The following ZBTB25 variants were observed in gnomAD, a reference collection of about 807,000 sequenced individuals.
ZBTB25 encodes zinc finger and BTB domain containing 25.
In ZBTB25, 20 loss-of-function variants were observed where a neutral mutation model predicts 34.2. The observed-to-expected ratio is 0.58, with a 90% CI of 0.41 to 0.85. ZBTB25 has a LOEUF of 0.85. ZBTB25 is among the 40% of genes least tolerant of loss of function. The pLI is 0.00. For synonymous variants in ZBTB25, 175 were observed against 186.4 expected, an observed-to-expected ratio of 0.94 and a Z score of 0.50; for missense variants, 437 against 521.8, an observed-to-expected ratio of 0.84 and a Z score of 1.58.
intron 2 of ZBTB25, chr14:64,454,899 A>G (rs1376870026): frequency 6.2e-7 from 1 of 1,612,992 alleles, no homozygotes; most frequent in Non-Finnish European, 8.5e-7. Flanking sequence ...GCAAGGGAGT[A>G]GTGGGCGCAT....
upstream of ZBTB25, chr14:64,504,818 CCCGAGCG>C (rs938588076): frequency 1.0e-3 from 397 of 389,986 alleles, 5 homozygotes; most frequent in East Asian, 0.014. Context: ...CGCAGCCCAG[CCCGAGCG>C]CCGAGCGCCG....
chr14:64,490,208 CAAAAAAAAAAAAA>C (rs61367816), intron 2 of ZBTB25, among the ~76,000 whole-genome samples, 140 bp downstream of exon 2: 6 of 90,932 alleles, frequency 6.6e-5, no homozygotes, highest in African/African-American at 1.9e-4. Context: ...ACTCTGTCGC[CAAAAAAAAAAAAA>C]AAAAAAAAAA....
In ZBTB25 at chr14:64,478,287, A is replaced by G. The variant is rs545222559; in HGVS notation, c.*8636T>C. 6.6e-6 allele frequency: 1 copy of G among 152,332 alleles called. No individual in the cohort carries two copies. Among genetic ancestry groups the G allele is most frequent in the South Asian group, 2.1e-4 (1 of 4,820 alleles). 9.4% of individuals were successfully genotyped at this position (152,332 alleles called of 1,614,324 possible). A position where few individuals can be genotyped will look rare whatever the true frequency, so the allele number is the denominator to read the frequency against. ...AGGGGGAGGCAGGCTGTATTCACTT[A>G]GTATTGGAAGGTGAGAAGAGCTGAA... On this transcript the variant is annotated 3_prime_UTR_variant, in exon 3 of 3. Transcript: ENST00000608382.
chr14:64,458,643 T>A (rs79790885), intron 2 of ZBTB25: 925 of 383,042 alleles, frequency 2.4e-3, no homozygotes, highest in Non-Finnish European at 3.7e-3. Context: ...GGGTTCAGAG[T>A]TGATGACACA....
At position 64,487,290 on chromosome 14, in the gene ZBTB25, C is replaced by T. The variant is rs775261229; in HGVS notation, c.941G>A (p.Arg314Gln). The change falls in exon 3 of 3, where the codon CGG becomes CAG. Residue 314 changes from arginine (R) to glutamine (Q), a missense_variant. Physicochemically the swap from Arg to Gln is conservative, Grantham distance 43. Coordinates refer to ENST00000608382, the MANE Select transcript of ZBTB25 (RefSeq NM_006977.5). ...ENEQQPDHTN[R>Q]GTTEPLQISQ... ...GATCTGCAAAGGCTCTGTGGTACCC[C>T]GGTTGGTGTGGTCTGGCTGCTGTTC... 3 of 1,613,838 alleles carry T rather than the reference C, an allele frequency of 1.9e-6. No homozygotes were observed. The highest frequency in any genetic ancestry group is 2.5e-6 in the Non-Finnish European group (3 of 1,180,008).
At chr14:64,489,570 C>T (rs2079001711) in intron 2 of ZBTB25, among the ~76,000 whole-genome samples, 1 of 150,124 alleles carries the variant, frequency 6.7e-6, no homozygotes. Context: ...GAGTCTCGCT[C>T]TGTCACCCAG....
rs942287224 is a variant in ZBTB25 at position 64,479,415 on chromosome 14, G to A, written c.*7508C>T. On this transcript the variant is annotated 3_prime_UTR_variant, in exon 3 of 3. Transcript: ENST00000608382. ...CTCCACATCGTCAAATGTCTCTATG[G>A]GGGGGGATAGCCCTGTGTAATGTTT... is the stretch of plus-strand genomic sequence containing the variant. 9 of 149,770 alleles carry A rather than the reference G, an allele frequency of 6.0e-5. No homozygotes were observed. Among genetic ancestry groups the A allele is most frequent in the Middle Eastern group, 3.4e-3 (1 of 294 alleles). The allele number at this position is 149,770 out of a possible 1,614,324, so 9.3% of individuals were successfully genotyped here.
downstream of ZBTB25, among the ~76,000 whole-genome samples, chr14:64,476,517 T>C (rs1250042488): frequency 6.6e-6 from 1 of 152,152 alleles, no homozygotes; most frequent in African/African-American, 2.4e-5. Flanking sequence ...AAGACGGGGT[T>C]TCACCATGTT....
At chr14:64,449,397 T>A in exon 3 of ZBTB25, 1 of 1,598,712 alleles carries the variant, frequency 6.3e-7, no homozygotes, top group South Asian at 1.1e-5. Flanking sequence ...GACAATTCTG[T>A]CTCTCCAGCC....
chr14:64,503,365 G>A (rs1356468513), intron 1 of ZBTB25: 1 of 984,574 alleles, frequency 1.0e-6, no homozygotes, highest in South Asian at 4.7e-5. Context: ...CGGACCCGCG[G>A]CCGGGACGGC....
Position 64,482,574 on chromosome 14 carries a change from T to C in ZBTB25, c.*4349A>G, listed in dbSNP as rs1164523131. 6.6e-6 allele frequency: 1 copy of C among 152,228 alleles called. No individual in the cohort carries two copies. Among genetic ancestry groups the C allele is most frequent in the Non-Finnish European group, 1.5e-5 (1 of 68,040 alleles). 9.4% of individuals were successfully genotyped at this position (152,228 alleles called of 1,614,324 possible). A position where few individuals can be genotyped will look rare whatever the true frequency, so the allele number is the denominator to read the frequency against. ...GAAATTGACAAAGTTTTATTCCCAA[T>C]AATGCCAAAGAACTAGTATCCTCCT... is the stretch of plus-strand genomic sequence containing the variant. On this transcript the variant is annotated 3_prime_UTR_variant, in exon 3 of 3. Coordinates refer to ENST00000608382, the MANE Select transcript of ZBTB25 (RefSeq NM_006977.5).
chr14:64,478,635 G>C lies in ZBTB25; in HGVS notation c.*8288C>G, dbSNP rs907631263. On this transcript the variant is annotated 3_prime_UTR_variant, in exon 3 of 3. Transcript: ENST00000608382. ...AATGCTCAATGTAGCACAATAATGT[G>C]ATATTTTAAAAAGTTATCTGCTGAG... 2 of 152,130 alleles carry C rather than the reference G, an allele frequency of 1.3e-5. No individual in the cohort carries two copies. Among genetic ancestry groups the C allele is most frequent in the Non-Finnish European group, 1.5e-5 (1 of 68,026 alleles). 9.4% of individuals were successfully genotyped at this position (152,130 alleles called of 1,614,324 possible).
intron 2 of ZBTB25, among the ~76,000 whole-genome samples, chr14:64,457,174 C>T (rs1257622939): frequency 6.6e-6 from 1 of 152,208 alleles, no homozygotes; most frequent in Non-Finnish European, 1.5e-5. Context: ...TTAAAGGATA[C>T]TAACTCCTAC....
At chr14:64,500,950 C>T (rs549678868) in intron 1 of ZBTB25, among the ~76,000 whole-genome samples, 8 of 152,300 alleles carry the variant, frequency 5.3e-5, no homozygotes, top group African/African-American at 1.9e-4. Context: ...ACTCGGGAGG[C>T]TGAAGCCAGA....
intron 1 of ZBTB25, among the ~76,000 whole-genome samples, chr14:64,494,390 T>C (rs937264254): frequency 2.0e-5 from 3 of 152,208 alleles, no homozygotes; most frequent in Non-Finnish European, 4.4e-5. Flanking sequence ...CCCAGCCCTT[T>C]GGGAGGACAA....
chr14:64,449,568 C>G lies in ZBTB25; in HGVS notation c.244G>C (p.Gly82Arg), dbSNP rs745539820. 6.2e-7 allele frequency: 1 copy of G among 1,614,148 alleles called. No homozygotes were observed. Among genetic ancestry groups the G allele is most frequent in the Non-Finnish European group, 8.5e-7 (1 of 1,180,026 alleles). ...AGGGTGCCTTAGCCCTGGCTCAGGC[C>G]GTCCAGAGAGCAGCACAAGCACCCA... is the stretch of plus-strand genomic sequence containing the variant. Residue 82 changes from glycine to arginine, a missense_variant, in exon 3 of 3, where the codon GGC (glycine) becomes CGC (arginine). Transcript: ENST00000555220.
chr14:64,459,818 C>G, intron 2 of ZBTB25: 1 of 1,535,930 alleles, frequency 6.5e-7, no homozygotes. Flanking sequence ...TTCAGGCCCA[C>G]TGGGAGTTAG....
At position 64,487,732 on chromosome 14, in the gene ZBTB25, G is replaced by C. The variant is rs752774262; in HGVS notation, c.499C>G (p.Gln167Glu). 4 of 1,613,884 alleles carry C rather than the reference G, an allele frequency of 2.5e-6. No homozygotes were observed. Among genetic ancestry groups the C allele is most frequent in the South Asian group, 1.1e-5 (1 of 91,056 alleles). Residue 167 changes from glutamine (Q) to glutamate (E), a missense_variant, in exon 3 of 3, where the codon CAG becomes GAG. By Grantham distance (29) the Gln-to-Glu change is conservative (BLOSUM62 2). Coordinates refer to ENST00000608382, the MANE Select transcript of ZBTB25 (RefSeq NM_006977.5). ...CCAATAGCAAGAGACAACTGCAACT[G>C]GGGGTGGTCACCCTGGACAGCAGCT... ...NRAAVQGDHP[Q>E]LQLSLAIGLD...
chr14:64,503,487 T>G, intron 1 of ZBTB25, 174 bp downstream of exon 1: 1 of 985,308 alleles, frequency 1.0e-6, no homozygotes, highest in Non-Finnish European at 1.2e-6. Flanking sequence ...CACTCGCGGA[T>G]GTATTTTCCT....
Sources: gnomAD v4.1 joint callset for allele counts (sites outside exome capture counted in the v4.1 genomes callset) on GRCh38, gnomAD v4.1.1 for gene constraint, MANE v1.5 for transcripts, NCBI Gene and HGNC (gene_info 2026-07-23, HGNC 2026-07-21) for gene names.